Variants in DNMT3L observed in about 807,000 individuals in gnomAD.
DNMT3L encodes DNA methyltransferase 3 like, also known as DNA (cytosine-5)-methyltransferase 3-like.
A neutral mutation model predicts 36.2 loss-of-function variants in DNMT3L; 33 were observed. The observed-to-expected ratio is 0.91, with a 90% confidence interval of 0.69 to 1.22. DNMT3L has a LOEUF of 1.22. Ranked by LOEUF, DNMT3L falls within the 50% of genes most tolerant of loss-of-function variation. DNMT3L has a pLI of 0.00. For missense variants in DNMT3L, 310 were observed against 303.1 expected, an observed-to-expected ratio of 1.02 and a Z score of -0.17; for synonymous variants, 117 against 121.7, an observed-to-expected ratio of 0.96 and a Z score of 0.26.
rs1485395489 is a variant in DNMT3L, at chr21:44,258,930, C to G, written c.345-236G>C. Among the ~76,000 whole-genome samples the G allele has an allele frequency of 6.6e-6, 1 of 152,038 alleles. No individual in the cohort carries two copies. Among genetic ancestry groups the G allele is most frequent in the African/African-American group, 2.4e-5 (1 of 41,398 alleles). ...GTGGATTCACAGGCAATGACAGATC[C>G]AAGGAACCCCCTAAGCCACCTGTCT... On this transcript the variant is annotated intron_variant, in intron 5 of 11. Transcript: ENST00000628202. The surrounding 1 kb of genome is among the most constrained non-coding windows in gnomAD (Gnocchi z 6.2).
chr21:44,254,187 T>C (rs549824712), intron 8 of DNMT3L, among the ~76,000 whole-genome samples: 1 of 152,192 alleles, frequency 6.6e-6, no homozygotes, highest in Non-Finnish European at 1.5e-5. Context: ...CAGTGACCAG[T>C]TGTCCAGGTC....
At position 44,256,065 on chromosome 21, in the gene DNMT3L, A is replaced by G; in HGVS notation, c.604+2T>C. On this transcript the variant is annotated splice_donor_variant, in intron 7 of 11. Transcript: ENST00000628202. LOFTEE classifies it high-confidence loss of function. ...TGTGTCTTTGGGACATCACTGACTC[A>G]CCTTTCTTGATGTCTTCAAAAAGGG... The G allele has an allele frequency of 6.2e-7, 1 of 1,613,702 alleles. No individual in the cohort carries two copies. The highest frequency in any genetic ancestry group is 8.5e-7 in the Non-Finnish European group (1 of 1,179,952).
At chr21:44,257,249 G>C (rs1472358311) in intron 6 of DNMT3L, among the ~76,000 whole-genome samples, 1 of 152,128 alleles carries the variant, frequency 6.6e-6, no homozygotes, top group African/African-American at 2.4e-5. Context: ...TGTGGCGGTC[G>C]GTGCCTGTAA....
intron 7 of DNMT3L, among the ~76,000 whole-genome samples, 196 bp downstream of exon 7, chr21:44,255,871 G>A (rs562559144): frequency 3.9e-5 from 6 of 152,260 alleles, no homozygotes; most frequent in East Asian, 1.9e-4. Flanking sequence ...CTGTGCCTGC[G>A]GGGCCCAGAA....
intron 4 of DNMT3L, 22 bp from the exon 5 acceptor site, chr21:44,259,571 C>T: frequency 6.2e-7 from 1 of 1,613,554 alleles, no homozygotes. Context: ...CAAAGCAAGG[C>T]TGGCTTGTGT....
intron 7 of DNMT3L, 57 bp from the exon 8 acceptor site, chr21:44,254,762 G>A (rs900711154): frequency 1.3e-6 from 2 of 1,580,206 alleles, no homozygotes; most frequent in Admixed American, 3.5e-5. Context: ...TGCCCCTACA[G>A]GGACTCGAAA....
At chr21:44,256,328 A>G (rs1304422729) in intron 6 of DNMT3L, among the ~76,000 whole-genome samples, 174 bp from the exon 7 acceptor site, 1 of 150,890 alleles carries the variant, frequency 6.6e-6, no homozygotes, top group African/African-American at 2.4e-5. Flanking sequence ...CTGCCCCCCC[A>G]GGAAGGCCAA....
chr21:44,255,692 C>T (rs2040251838), intron 7 of DNMT3L, among the ~76,000 whole-genome samples: 1 of 152,190 alleles, frequency 6.6e-6, no homozygotes, highest in South Asian at 2.1e-4. Context: ...GGCAGCAAGA[C>T]CTTGGACAGG....
intron 1 of DNMT3L, 114 bp from the exon 2 acceptor site, chr21:44,261,380 C>G: frequency 3.1e-6 from 3 of 958,976 alleles, no homozygotes; most frequent in Non-Finnish European, 4.7e-6. Context: ...TAGTTCAGGC[C>G]ACCTGAACCC....
chr21:44,257,670 G>T, intron 6 of DNMT3L, among the ~76,000 whole-genome samples: 2 of 126,148 alleles, frequency 1.6e-5, no homozygotes, highest in African/African-American at 3.2e-5. Context: ...GACAGAGCGA[G>T]ACTCCGTCTC....
At chr21:44,256,812 C>T (rs568800750) in intron 6 of DNMT3L, among the ~76,000 whole-genome samples, 4 of 152,294 alleles carry the variant, frequency 2.6e-5, no homozygotes, top group South Asian at 2.1e-4. Flanking sequence ...GTTAAAGGGC[C>T]AACCCCCAAG....
intron 8 of DNMT3L, among the ~76,000 whole-genome samples, chr21:44,254,253 G>A (rs1303034587): frequency 2.6e-5 from 4 of 152,294 alleles, no homozygotes; most frequent in African/African-American, 4.8e-5. Flanking sequence ...CCTCCTTGCC[G>A]GACAGCGCCC....
chr21:44,261,355 T>A (rs1169923372), intron 1 of DNMT3L, 89 bp from the exon 2 acceptor site: 2 of 1,294,550 alleles, frequency 1.5e-6, no homozygotes, highest in Non-Finnish European at 2.2e-6. Flanking sequence ...AGCAGCTTGC[T>A]GAGCAGACCT....
Position 44,259,629 on chromosome 21 carries a change from T to C in DNMT3L, c.231+3A>G, listed in dbSNP as rs761137234. Reference sequence around the variant, plus strand: ...GGGAGTCACCCCCAGCCTCCCTGCCTACCTTACATGGGGCGCAGATCCCTC... The same window carrying C: ...GGGAGTCACCCCCAGCCTCCCTGCCCACCTTACATGGGGCGCAGATCCCTC... On this transcript the variant is annotated splice_donor_region_variant and intron_variant, in intron 4 of 11. Transcript: ENST00000628202. 3 of 1,613,312 alleles carry C rather than the reference T, an allele frequency of 1.9e-6. No homozygotes were observed. The highest frequency in any genetic ancestry group is 4.5e-5 in the East Asian group (2 of 44,884).
intron 3 of DNMT3L, 47 bp downstream of exon 3, chr21:44,260,748 G>A: frequency 6.2e-7 from 1 of 1,612,106 alleles, no homozygotes; most frequent in Non-Finnish European, 8.5e-7. Flanking sequence ...GTGAGCCACT[G>A]TGCCCCGTCT....
intron 3 of DNMT3L, among the ~76,000 whole-genome samples, 198 bp downstream of exon 3, chr21:44,260,597 T>C: frequency 6.6e-6 from 1 of 152,136 alleles, no homozygotes; most frequent in East Asian, 1.9e-4. Flanking sequence ...GGACTACAGG[T>C]GCATGCCACC....
rs147925049 is a variant in DNMT3L, at chr21:44,259,254, G to A, written c.344+183C>T. Among the ~76,000 whole-genome samples, 47 of 152,230 alleles carry A rather than the reference G, an allele frequency of 3.1e-4. 1 individual carries two copies. The East Asian group carries it at 7.9e-3, about 26-fold the overall frequency. ...AAAAGAAAAATCACAATCGCCAACC[G>A]TAGACACCCGCCTCCCATAGCTCAG... On this transcript the variant is annotated intron_variant, in intron 5 of 11. Coordinates refer to ENST00000628202, the MANE Select transcript of DNMT3L (RefSeq NM_175867.3).
intron 8 of DNMT3L, among the ~76,000 whole-genome samples, chr21:44,253,170 C>T (rs1444488315): frequency 2.9e-5 from 1 of 34,018 alleles, no homozygotes; most frequent in African/African-American, 1.3e-4. Flanking sequence ...CGTCCGCAGC[C>T]CTCCAGGAGC....
intron 3 of DNMT3L, among the ~76,000 whole-genome samples, chr21:44,260,355 A>G (rs1270238608): frequency 6.6e-6 from 1 of 152,158 alleles, no homozygotes; most frequent in African/African-American, 2.4e-5. Context: ...GATGGTGATG[A>G]TGGTTGCTGA....
Sources: gnomAD v4.1 joint callset for allele counts (sites outside exome capture counted in the v4.1 genomes callset) on GRCh38, gnomAD v4.1.1 for gene constraint, Gnocchi (gnomAD v3.1) non-coding constraint, MANE v1.5 for transcripts, NCBI Gene and HGNC (gene_info 2026-07-23, HGNC 2026-07-21) for gene names.